SLC4A10: variants seen among roughly 807,000 people sequenced by gnomAD.
The protein encoded by SLC4A10 is sodium-driven chloride bicarbonate exchanger.
A neutral mutation model predicts 137.7 loss-of-function variants in SLC4A10; 42 were observed. The observed-to-expected ratio is 0.30, with a 90% CI of 0.24 to 0.39. SLC4A10 has a LOEUF of 0.39. Among genes scored for constraint, SLC4A10 ranks in the 10% least tolerant of loss-of-function variants. The pLI is 1.00. For synonymous variants in SLC4A10, 474 were observed against 464.1 expected (o/e 1.02, Z -0.27); for missense variants, 925 against 1,355.0 (o/e 0.68, Z 4.98).
At chr2:161,881,045 A>G (rs1236325492) in intron 9 of SLC4A10, among the ~76,000 whole-genome samples, 2 of 152,108 alleles carry the variant, frequency 1.3e-5, no homozygotes, top group East Asian at 3.8e-4. Context: ...CAACTGTATG[A>G]GAAAAGATTT....
chr2:161,947,587 G>A lies in SLC4A10; in HGVS notation c.2125G>A (p.Glu709Lys), dbSNP rs555576128. 8.2e-5 allele frequency: 133 copies of A among 1,612,410 alleles called. 1 individual carries two copies. The South Asian group carries it at 1.4e-3, about 16-fold the overall frequency. The change falls in exon 17 of 27, where the codon GAG (glutamate) becomes AAG (lysine). Residue 709 changes from glutamate to lysine, a missense_variant. Coordinates refer to ENST00000446997, the MANE Select transcript of SLC4A10 (RefSeq NM_001178015.2). Reference sequence around the variant, plus strand: ...GCAGGAATGCAAATCATTGCATGGAGAGTATGTTGGACGGGCCTGTGGCCA... The same window carrying A: ...GCAGGAATGCAAATCATTGCATGGAAAGTATGTTGGACGGGCCTGTGGCCA... Reference protein sequence around the residue: ...TVSECKSLHGEYVGRACGHDH... With the variant: ...TVSECKSLHGKYVGRACGHDH...
chr2:161,729,004 C>T (rs2046536334), intron 1 of SLC4A10, among the ~76,000 whole-genome samples: 1 of 151,542 alleles, frequency 6.6e-6, no homozygotes, highest in South Asian at 2.1e-4. Flanking sequence ...CACATTCATT[C>T]TAGAAAAAAA....
intron 1 of SLC4A10, among the ~76,000 whole-genome samples, chr2:161,633,989 C>A (rs2034008226): frequency 6.6e-6 from 1 of 151,724 alleles, no homozygotes. Context: ...CCTTAACTTT[C>A]TAAAAACTAG....
chr2:161,885,966 A>G (rs560968112), intron 10 of SLC4A10, among the ~76,000 whole-genome samples: 23 of 152,106 alleles, frequency 1.5e-4, no homozygotes, highest in African/African-American at 5.3e-4. Flanking sequence ...ATTTAGCTGC[A>G]TATAATCCCA....
At chr2:161,964,396 CAG>C (rs2105911498) in intron 22 of SLC4A10, 88 bp downstream of exon 22, 1 of 1,357,090 alleles carries the variant, frequency 7.4e-7, no homozygotes. Flanking sequence ...ACTGGAACAA[CAG>C]AGTCATTTTG....
At chr2:161,974,227 T>C in intron 23 of SLC4A10, 22 bp from the exon 24 acceptor site, 5 of 1,580,834 alleles carry the variant, frequency 3.2e-6, no homozygotes, top group Non-Finnish European at 4.3e-6. Context: ...TCACTTTATA[T>C]ACTTTACATT....
rs1239639618 is a variant in SLC4A10 at position 161,660,066 on chromosome 2, T to C, written c.48+35500T>C. ...GCACAGAGTTTCTTTTGGGGGGTGA[T>C]GGAAATGTTCTAAAATTGATTATAG... On this transcript the variant is annotated intron_variant, in intron 1 of 26. Coordinates refer to ENST00000446997, the MANE Select transcript of SLC4A10 (RefSeq NM_001178015.2). 6.6e-5 allele frequency among the ~76,000 whole-genome samples: 10 copies of C among 151,912 alleles called. No individual in the cohort carries two copies. The South Asian group carries it at 1.9e-3, about 28-fold the overall frequency.
At chr2:161,631,339 T>C (rs766888896) in intron 1 of SLC4A10, among the ~76,000 whole-genome samples, 3 of 151,836 alleles carry the variant, frequency 2.0e-5, no homozygotes, top group Non-Finnish European at 4.4e-5. Context: ...AAGTTACTGT[T>C]TAGCATTATC....
intron 15 of SLC4A10, among the ~76,000 whole-genome samples, chr2:161,906,897 C>T (rs1432647722): frequency 1.3e-5 from 2 of 151,476 alleles, no homozygotes; most frequent in Non-Finnish European, 2.9e-5. Context: ...TACTAAAAAA[C>T]ACAAAAAAAT....
At chr2:161,879,560 T>C (rs926710018) in intron 9 of SLC4A10, among the ~76,000 whole-genome samples, 2 of 151,370 alleles carry the variant, frequency 1.3e-5, no homozygotes, top group Non-Finnish European at 2.9e-5. Context: ...TTTTTTTTTT[T>C]TTTTTTACAT....
chr2:161,762,676 T>C (rs2050376018), intron 1 of SLC4A10, among the ~76,000 whole-genome samples: 1 of 152,130 alleles, frequency 6.6e-6, no homozygotes, highest in Non-Finnish European at 1.5e-5. Context: ...CATTATTTAA[T>C]GAAACAGTAG....
chr2:161,915,157 A>G (rs1575618813), intron 15 of SLC4A10, among the ~76,000 whole-genome samples: 1 of 152,126 alleles, frequency 6.6e-6, no homozygotes, highest in Admixed American at 6.6e-5. Flanking sequence ...TTGACTTCAG[A>G]GATGGTGGCT....
chr2:161,708,007 G>A (rs1442955960), intron 1 of SLC4A10, among the ~76,000 whole-genome samples: 1 of 149,448 alleles, frequency 6.7e-6, no homozygotes, highest in East Asian at 2.0e-4. Context: ...AATTTTGCTT[G>A]GTAAATCTTT....
At chr2:161,885,513 T>G (rs900854092) in intron 10 of SLC4A10, among the ~76,000 whole-genome samples, 2 of 152,196 alleles carry the variant, frequency 1.3e-5, no homozygotes, top group African/African-American at 4.8e-5. Flanking sequence ...TGACCCTCAG[T>G]CAGGGTTCAA....
At chr2:161,729,529 T>A (rs1038078148) in intron 1 of SLC4A10, among the ~76,000 whole-genome samples, 3 of 152,066 alleles carry the variant, frequency 2.0e-5, no homozygotes, top group Non-Finnish European at 4.4e-5. Context: ...TTAAAAAAAA[T>A]TGTAGGAGAA....
intron 3 of SLC4A10, among the ~76,000 whole-genome samples, chr2:161,822,363 T>A (rs1468238433): frequency 6.6e-6 from 1 of 152,226 alleles, no homozygotes; most frequent in African/African-American, 2.4e-5. Context: ...ATGTGACCTC[T>A]GAGAAGTGAT....
chr2:161,808,763 C>A (rs1322153637), intron 3 of SLC4A10, among the ~76,000 whole-genome samples: 3 of 152,082 alleles, frequency 2.0e-5, no homozygotes, highest in Admixed American at 6.6e-5. Context: ...CTTTTTATGG[C>A]CACATAGTAT....
intron 2 of SLC4A10, among the ~76,000 whole-genome samples, chr2:161,803,572 T>G (rs905122953): frequency 2.0e-5 from 3 of 152,204 alleles, no homozygotes; most frequent in African/African-American, 4.8e-5. Context: ...TTACTGTCTC[T>G]ATAGTTTTAG....
intron 1 of SLC4A10, among the ~76,000 whole-genome samples, chr2:161,763,225 G>T (rs781746571): frequency 6.6e-5 from 10 of 151,654 alleles, no homozygotes; most frequent in Admixed American, 3.3e-4. Flanking sequence ...ATATTTTTTT[G>T]AAAGATGTTT....
Sources: gnomAD v4.1 joint callset for allele counts (sites outside exome capture counted in the v4.1 genomes callset) on GRCh38, gnomAD v4.1.1 for gene constraint, MANE v1.5 for transcripts, NCBI Gene and HGNC (gene_info 2026-07-23, HGNC 2026-07-21) for gene names.